The following UGT1A10 variants were observed in gnomAD, a reference collection of about 807,000 sequenced individuals.
The protein encoded by UGT1A10 is UDP glucuronosyltransferase family 1 member A10.
UGT1A10 carries 49 observed loss-of-function variants against 45.8 expected under a neutral mutation model. The observed-to-expected ratio is 1.07, with a 90% confidence interval of 0.85 to 1.36. The LOEUF is 1.36. Among genes scored for constraint, UGT1A10 ranks in the 40% most tolerant of loss-of-function variants. UGT1A10 has a pLI of 0.00. For missense variants in UGT1A10, 745 were observed against 668.6 expected (o/e 1.11, Z -1.26); for synonymous variants, 284 against 249.7 (o/e 1.14, Z -1.29).
intron 1 of UGT1A10, chr2:233,672,256 C>T: frequency 1.2e-6 from 2 of 1,614,158 alleles, no homozygotes; most frequent in South Asian, 2.2e-5. Context: ...TATATATTCT[C>T]TATTAATGGG....
intron 1 of UGT1A10, among the ~76,000 whole-genome samples, chr2:233,737,902 T>C (rs1690626433): frequency 6.6e-6 from 1 of 152,134 alleles, no homozygotes; most frequent in Non-Finnish European, 1.5e-5. Flanking sequence ...TCGAGTGTGG[T>C]AAAGAACAGG....
intron 1 of UGT1A10, chr2:233,692,870 G>C (rs540721093): frequency 4.7e-5 from 70 of 1,486,054 alleles, no homozygotes; most frequent in Non-Finnish European, 6.0e-5. Context: ...CATATCAAAG[G>C]GTAAAATTCA....
At chr2:233,729,184 C>T (rs1420145173) in intron 1 of UGT1A10, 1 of 1,613,974 alleles carries the variant, frequency 6.2e-7, no homozygotes, top group East Asian at 2.2e-5. Context: ...GCTGCTTCTC[C>T]TCAGTGTCCA....
At chr2:233,649,142 G>A (rs1032084342) in intron 1 of UGT1A10, 67 of 631,150 alleles carry the variant, frequency 1.1e-4, no homozygotes, top group Middle Eastern at 6.0e-4. Context: ...TTTCTTTTCT[G>A]TGTAAAAAAT....
At chr2:233,753,783 C>T (rs544247097) in intron 1 of UGT1A10, 5 of 152,330 alleles carry the variant, frequency 3.3e-5, no homozygotes, top group Non-Finnish European at 4.4e-5. Context: ...CTTTTCTTTA[C>T]ATTTCCAGGA....
chr2:233,708,882 A>G (rs761611588), intron 1 of UGT1A10, among the ~76,000 whole-genome samples: 2 of 152,112 alleles, frequency 1.3e-5, no homozygotes, highest in Non-Finnish European at 1.5e-5. Context: ...ACATACTAGA[A>G]CAATCTCAGG....
At chr2:233,724,199 C>T (rs1410873416) in intron 1 of UGT1A10, among the ~76,000 whole-genome samples, 7 of 127,042 alleles carry the variant, frequency 5.5e-5, no homozygotes, top group African/African-American at 1.3e-4. Context: ...GGTGGCTGGC[C>T]GGGCTGAGGG....
chr2:233,669,467 C>G (rs1252393183), intron 1 of UGT1A10, among the ~76,000 whole-genome samples: 1 of 152,156 alleles, frequency 6.6e-6, no homozygotes, highest in South Asian at 2.1e-4. Flanking sequence ...TTATTCAGGT[C>G]TCTCACCAAT....
At chr2:233,744,574 T>G (rs1165688532) in intron 1 of UGT1A10, among the ~76,000 whole-genome samples, 1 of 151,936 alleles carries the variant, frequency 6.6e-6, no homozygotes, top group Non-Finnish European at 1.5e-5. Context: ...AAGAGTGGCA[T>G]CGTTTTACAG....
chr2:233,711,220 T>A (rs2885295), intron 1 of UGT1A10, among the ~76,000 whole-genome samples: 15,497 of 152,242 alleles, frequency 0.1, 901 homozygotes, highest in South Asian at 0.2. Context: ...AGTGCTCCCA[T>A]GTCGCTGAAG....
chr2:233,721,025 C>T (rs945783424), intron 1 of UGT1A10, among the ~76,000 whole-genome samples: 6 of 152,028 alleles, frequency 3.9e-5, no homozygotes, highest in Non-Finnish European at 8.8e-5. Flanking sequence ...AGCCATCTTT[C>T]TTGTGAGAGA....
At chr2:233,768,612 A>C (rs1575836446) in intron 4 of UGT1A10, among the ~76,000 whole-genome samples, 173 bp downstream of exon 4, 1 of 107,010 alleles carries the variant, frequency 9.3e-6, no homozygotes, top group African/African-American at 3.6e-5. Context: ...TTTGAGATGG[A>C]GTCTTGCTCT....
At chr2:233,640,517 A>G (rs1283234451) in intron 1 of UGT1A10, among the ~76,000 whole-genome samples, 2 of 152,212 alleles carry the variant, frequency 1.3e-5, no homozygotes, top group South Asian at 2.1e-4. Context: ...ATTGCCTCAT[A>G]CAACATCTTT....
At chr2:233,695,228 C>G (rs530081428) in intron 1 of UGT1A10, among the ~76,000 whole-genome samples, 1 of 151,164 alleles carries the variant, frequency 6.6e-6, no homozygotes, top group Non-Finnish European at 1.5e-5. Flanking sequence ...TGGGTTCAAG[C>G]GATTCTCCTG....
chr2:233,646,411 A>G (rs2073605495), intron 1 of UGT1A10, among the ~76,000 whole-genome samples: 1 of 152,068 alleles, frequency 6.6e-6, no homozygotes, highest in Non-Finnish European at 1.5e-5. Flanking sequence ...AGAAAATGGG[A>G]TTTTCTTTTC....
At chr2:233,755,830 A>G (rs534552982) in intron 1 of UGT1A10, 2 of 152,366 alleles carry the variant, frequency 1.3e-5, no homozygotes, top group South Asian at 4.1e-4. Context: ...AGACATATTC[A>G]TTGGGCAATT....
intron 1 of UGT1A10, among the ~76,000 whole-genome samples, chr2:233,745,638 C>T (rs530940349): frequency 4.6e-5 from 7 of 151,244 alleles, no homozygotes; most frequent in South Asian, 2.1e-4. Context: ...GAAAGCTGGC[C>T]GAGGGTAGAG....
chr2:233,727,172 G>A (rs930119723), intron 1 of UGT1A10, among the ~76,000 whole-genome samples: 2 of 152,114 alleles, frequency 1.3e-5, no homozygotes, highest in African/African-American at 2.4e-5. Flanking sequence ...GCTTTTTTCT[G>A]TCTCTGGACT....
Position 233,638,026 on chromosome 2 carries a change from T to G in UGT1A10, c.855+649T>G, listed in dbSNP as rs376465595. ...TTTGTGAATAAGGCTGTGTAAACAC[T>G]CTTCAATACTTTCCTTGCGTGAATA... is the stretch of plus-strand genomic sequence containing the variant. On this transcript the variant is annotated intron_variant, in intron 1 of 4. Transcript: ENST00000344644. Among the ~76,000 whole-genome samples the G allele has an allele frequency of 6.4e-4, 98 of 152,306 alleles. 1 individual carries two copies. The South Asian group carries it at 0.02, about 31-fold the overall frequency.
Sources: gnomAD v4.1 joint callset for allele counts (sites outside exome capture counted in the v4.1 genomes callset) on GRCh38, gnomAD v4.1.1 for gene constraint, MANE v1.5 for transcripts, NCBI Gene and HGNC (gene_info 2026-07-23, HGNC 2026-07-21) for gene names.